Variants in HMGA2 observed in about 807,000 individuals in gnomAD.
HMGA2 encodes the protein high mobility group AT-hook 2.
HMGA2 carries 8 observed loss-of-function variants against 19.1 expected under a neutral mutation model. That is an observed-to-expected ratio of 0.42 (90% CI 0.25 to 0.76). The LOEUF is 0.76. Among genes scored for constraint, HMGA2 ranks in the 30% least tolerant of loss-of-function variants. The pLI is 0.28. For missense variants in HMGA2, 109 were observed against 136.3 expected (o/e 0.80, Z 1.00); for synonymous variants, 60 against 48.8 (o/e 1.23, Z -0.96).
rs547747798 is a variant in HMGA2 at position 65,849,950 on chromosome 12, C to G, written c.249+11381C>G. On this transcript the variant is annotated intron_variant, in intron 3 of 4. Transcript: ENST00000403681. ...GCCAGGCTGGTCTCAAACTCCTGACCTCAAATGGTCCGCCTGCTTCAGCCT... is the reference window on the plus strand; with the variant it reads ...GCCAGGCTGGTCTCAAACTCCTGACGTCAAATGGTCCGCCTGCTTCAGCCT... Among the ~76,000 whole-genome samples, 12 of 152,122 alleles carry G rather than the reference C, an allele frequency of 7.9e-5. No homozygotes were observed. The South Asian group carries it at 2.3e-3, about 29-fold the overall frequency.
intron 3 of HMGA2, among the ~76,000 whole-genome samples, chr12:65,919,877 C>A (rs1172920718): frequency 2.0e-5 from 3 of 152,180 alleles, no homozygotes; most frequent in African/African-American, 7.2e-5. Context: ...AAGCTTCTTA[C>A]AAAGAACACC....
intron 2 of HMGA2, among the ~76,000 whole-genome samples, chr12:65,833,204 G>T (rs1870550182): frequency 6.6e-6 from 1 of 151,972 alleles, no homozygotes; most frequent in Admixed American, 6.6e-5. Context: ...TTATCAAAAA[G>T]GTAAAATGAG....
At chr12:65,862,828 G>A (rs1184006968) in intron 3 of HMGA2, among the ~76,000 whole-genome samples, 3 of 152,186 alleles carry the variant, frequency 2.0e-5, no homozygotes, top group Non-Finnish European at 4.4e-5. Flanking sequence ...AATGAAATGT[G>A]ATATAGAAAG....
At chr12:65,943,692 A>C (rs1876166433) in intron 3 of HMGA2, among the ~76,000 whole-genome samples, 1 of 152,188 alleles carries the variant, frequency 6.6e-6, no homozygotes, top group Non-Finnish European at 1.5e-5. Flanking sequence ...CCATAGATTT[A>C]TCGCTTCTTA....
At chr12:65,903,320 T>C (rs900050627) in intron 3 of HMGA2, among the ~76,000 whole-genome samples, 16 of 152,242 alleles carry the variant, frequency 1.1e-4, no homozygotes, top group African/African-American at 3.9e-4. Context: ...AATGTATATA[T>C]GGCCAATGTA....
chr12:65,842,319 C>T (rs920765196), intron 3 of HMGA2: 9 of 619,068 alleles, frequency 1.5e-5, no homozygotes, highest in Non-Finnish European at 2.4e-5. Context: ...TAATAAAGAG[C>T]ATGGCACATA....
chr12:65,879,204 T>C (rs1205116870), intron 3 of HMGA2, among the ~76,000 whole-genome samples: 1 of 152,226 alleles, frequency 6.6e-6, no homozygotes, highest in Non-Finnish European at 1.5e-5. Flanking sequence ...CACGGCTCAC[T>C]GCTGCCTTGA....
At chr12:65,871,391 G>A (rs923892332) in intron 3 of HMGA2, among the ~76,000 whole-genome samples, 14 of 152,108 alleles carry the variant, frequency 9.2e-5, no homozygotes, top group Non-Finnish European at 1.6e-4. Context: ...AGAGAAGAAG[G>A]TTGCTGACTC....
intron 3 of HMGA2, among the ~76,000 whole-genome samples, chr12:65,891,282 G>A (rs1873900380): frequency 1.3e-5 from 2 of 152,178 alleles, no homozygotes; most frequent in African/African-American, 4.8e-5. Context: ...ACAGTGCTAG[G>A]CTTACAGGAG....
intron 3 of HMGA2, among the ~76,000 whole-genome samples, chr12:65,936,996 T>A (rs1875918601): frequency 6.6e-6 from 1 of 152,192 alleles, no homozygotes; most frequent in African/African-American, 2.4e-5. Context: ...CCCAGTGAGT[T>A]ATTTGGAGGA....
At position 65,830,765 on chromosome 12, in the gene HMGA2, A is replaced by G. The variant is rs528609137; in HGVS notation, c.198+2678A>G. 4.9e-4 allele frequency: 74 copies of G among 152,048 alleles called. 1 individual carries two copies. The highest frequency in any genetic ancestry group is 1.7e-3 in the African/African-American group (70 of 41,562). 9.4% of individuals were successfully genotyped at this position (152,048 alleles called of 1,614,324 possible). On this transcript the variant is annotated intron_variant, in intron 2 of 4. Coordinates refer to ENST00000403681, the MANE Select transcript of HMGA2 (RefSeq NM_003483.6). ...TTGCAAGACCAAGTGAATGACTACT[A>G]AATTAGCCATCACTTCAATTTCAAA...
At chr12:65,834,253 A>G (rs903933742) in intron 2 of HMGA2, among the ~76,000 whole-genome samples, 4 of 152,150 alleles carry the variant, frequency 2.6e-5, no homozygotes, top group African/African-American at 9.7e-5. Context: ...GCTTTGGGAA[A>G]CCTTTGAAGG....
At chr12:65,843,665 TACACACAC>T (rs35271921) in intron 3 of HMGA2, 39 of 146,668 alleles carry the variant, frequency 2.7e-4, no homozygotes, top group East Asian at 7.2e-4. Context: ...GTTTGCTACT[TACACACAC>T]ACACACACAC....
intron 3 of HMGA2, among the ~76,000 whole-genome samples, chr12:65,937,725 C>A (rs905273838): frequency 6.6e-6 from 1 of 152,178 alleles, no homozygotes; most frequent in South Asian, 2.1e-4. Flanking sequence ...CTGAAACATA[C>A]ACGTTCTACA....
chr12:65,866,558 A>G (rs1358634058), intron 3 of HMGA2, among the ~76,000 whole-genome samples: 1 of 152,194 alleles, frequency 6.6e-6, no homozygotes, highest in African/African-American at 2.4e-5. Context: ...ACAAGGCGGA[A>G]CATCCAAGGG....
chr12:65,914,854 T>C (rs753702725), intron 3 of HMGA2: 1 of 508,410 alleles, frequency 2.0e-6, no homozygotes, highest in South Asian at 1.8e-5. Flanking sequence ...TTTGTATTTT[T>C]AGTAGAGACA....
intron 3 of HMGA2, among the ~76,000 whole-genome samples, chr12:65,885,250 T>G (rs1191972174): frequency 6.6e-6 from 1 of 152,116 alleles, no homozygotes; most frequent in Non-Finnish European, 1.5e-5. Context: ...TTATCTTCCT[T>G]TTTTTTCTGG....
intron 3 of HMGA2, among the ~76,000 whole-genome samples, chr12:65,848,997 A>G (rs551752288): frequency 6.6e-6 from 1 of 152,352 alleles, no homozygotes; most frequent in Admixed American, 6.5e-5. Flanking sequence ...GTGAGATAAT[A>G]ACTGTATGTG....
chr12:65,853,478 T>C (rs1232454251), intron 3 of HMGA2, among the ~76,000 whole-genome samples: 1 of 152,190 alleles, frequency 6.6e-6, no homozygotes, highest in Non-Finnish European at 1.5e-5. Flanking sequence ...GAGTGGAATG[T>C]GGTTAAATAT....
Sources: allele counts gnomAD v4.1 joint callset (sites outside exome capture counted in the v4.1 genomes callset), GRCh38; gene constraint gnomAD v4.1.1; transcripts MANE v1.5; gene names NCBI Gene and HGNC (gene_info 2026-07-23, HGNC 2026-07-21).